Variants in NLGN1 observed in about 807,000 individuals in gnomAD.
NLGN1 encodes neuroligin-1.
NLGN1 carries 12 observed loss-of-function variants against 65.5 expected under a neutral mutation model. That is an observed-to-expected ratio of 0.18 (90% CI 0.12 to 0.30). The LOEUF (loss-of-function observed/expected upper bound fraction) is 0.30, where lower values mean the gene tolerates loss of function less well. NLGN1 is among the 10% of genes least tolerant of loss of function. The pLI is 1.00. For missense variants in NLGN1, 750 were observed against 1,007.1 expected, an observed-to-expected ratio of 0.74 and a Z score of 3.46; for synonymous variants, 350 against 359.5, an observed-to-expected ratio of 0.97 and a Z score of 0.30.
intron 3 of NLGN1, among the ~76,000 whole-genome samples, chr3:173,714,007 A>C (rs1769425792): frequency 6.6e-6 from 1 of 152,188 alleles, no homozygotes; most frequent in Non-Finnish European, 1.5e-5. Flanking sequence ...TGAAGGGAAA[A>C]GTAGATTAAG....
intron 4 of NLGN1, among the ~76,000 whole-genome samples, chr3:174,148,545 T>A (rs1723764907): frequency 6.6e-6 from 1 of 152,156 alleles, no homozygotes; most frequent in South Asian, 2.1e-4. Flanking sequence ...AACATATAAT[T>A]AATACTCAGC....
At chr3:173,925,858 C>G (rs1742906253) in intron 4 of NLGN1, among the ~76,000 whole-genome samples, 1 of 151,858 alleles carries the variant, frequency 6.6e-6, no homozygotes, top group Non-Finnish European at 1.5e-5. Context: ...ATTACAGTAC[C>G]TTTAAAAAGT....
chr3:173,698,414 C>T (rs576801906), intron 3 of NLGN1, among the ~76,000 whole-genome samples: 2 of 152,300 alleles, frequency 1.3e-5, no homozygotes, highest in East Asian at 3.9e-4. Flanking sequence ...ACCACCTAAA[C>T]CATTTCATTA....
chr3:173,800,649 T>C (rs546053607), intron 3 of NLGN1, among the ~76,000 whole-genome samples: 2 of 151,812 alleles, frequency 1.3e-5, no homozygotes, highest in Non-Finnish European at 3.0e-5. Flanking sequence ...TTTGACTGAA[T>C]TTTGTCCACC....
intron 4 of NLGN1, among the ~76,000 whole-genome samples, chr3:173,821,920 T>C (rs1293180714): frequency 2.0e-5 from 3 of 152,200 alleles, no homozygotes; most frequent in Non-Finnish European, 1.5e-5. Flanking sequence ...TGTTGAGATA[T>C]ACATAATAAA....
intron 4 of NLGN1, among the ~76,000 whole-genome samples, chr3:173,845,492 C>T (rs908218744): frequency 1.5e-4 from 23 of 151,928 alleles, no homozygotes; most frequent in South Asian, 6.3e-4. Context: ...TCTGTTGTGG[C>T]GAAATAATTT....
At chr3:173,795,512 G>GTATT (rs1270931373) in intron 3 of NLGN1, among the ~76,000 whole-genome samples, 1 of 151,960 alleles carries the variant, frequency 6.6e-6, no homozygotes, top group African/African-American at 2.4e-5. Context: ...ACTGATTTCT[G>GTATT]TATTCTCAAA....
chr3:173,548,498 G>A (rs1215690340), intron 2 of NLGN1, among the ~76,000 whole-genome samples: 1 of 125,304 alleles, frequency 8.0e-6, no homozygotes, highest in Non-Finnish European at 1.7e-5. Context: ...TTTTTTTTTT[G>A]TAGATCATGT....
chr3:173,778,566 A>C (rs1780666617), intron 3 of NLGN1, among the ~76,000 whole-genome samples: 1 of 151,908 alleles, frequency 6.6e-6, no homozygotes. Flanking sequence ...CCATTATTAT[A>C]TACTAATATC....
intron 4 of NLGN1, among the ~76,000 whole-genome samples, chr3:174,221,319 C>T (rs1289690849): frequency 1.3e-5 from 2 of 152,096 alleles, no homozygotes; most frequent in African/African-American, 4.8e-5. Flanking sequence ...GCTGTTTGCC[C>T]TGCATACTAA....
chr3:173,842,712 C>T (rs886687677), intron 4 of NLGN1, among the ~76,000 whole-genome samples: 4 of 152,300 alleles, frequency 2.6e-5, no homozygotes, highest in East Asian at 1.9e-4. Context: ...TGGGCAGCTC[C>T]GCCCCTGTGA....
rs1398003126 is a variant in NLGN1, at chr3:174,280,017, GT to G, written c.1649+368del. On this transcript the variant is annotated intron_variant, in intron 6 of 6. Transcript: ENST00000457714. The surrounding 1 kb of genome is among the most constrained non-coding windows in gnomAD (Gnocchi z 4.9). ...TACCTTTCTGAATCTCGCAGATCAGGTACTATTAATCCCACTTTACAAGAAG... is the reference window on the plus strand; with the variant it reads ...TACCTTTCTGAATCTCGCAGATCAGGACTATTAATCCCACTTTACAAGAAG... Among the ~76,000 whole-genome samples the G allele has an allele frequency of 6.6e-6, 1 of 151,902 alleles. No homozygotes were observed. Among genetic ancestry groups the G allele is most frequent in the East Asian group, 1.9e-4 (1 of 5,140 alleles).
At chr3:174,019,546 C>G (rs1388424413) in intron 4 of NLGN1, among the ~76,000 whole-genome samples, 1 of 152,076 alleles carries the variant, frequency 6.6e-6, no homozygotes, top group Non-Finnish European at 1.5e-5. Flanking sequence ...AGAAAACAGA[C>G]TAAGACAAAC....
intron 4 of NLGN1, among the ~76,000 whole-genome samples, chr3:174,204,160 CTT>C (rs368614934): frequency 5.3e-5 from 8 of 152,074 alleles, no homozygotes; most frequent in African/African-American, 1.9e-4. Flanking sequence ...AGCAGTAGGG[CTT>C]TTTGTTTTGT....
intron 4 of NLGN1, among the ~76,000 whole-genome samples, chr3:174,123,786 T>G (rs532316266): frequency 6.6e-6 from 1 of 152,264 alleles, no homozygotes; most frequent in South Asian, 2.1e-4. Context: ...TTCTAAGGCT[T>G]CCTTCACTAA....
At chr3:174,011,564 A>G (rs988669107) in intron 4 of NLGN1, among the ~76,000 whole-genome samples, 2 of 152,164 alleles carry the variant, frequency 1.3e-5, no homozygotes, top group African/African-American at 4.8e-5. Flanking sequence ...CCATAACTAT[A>G]CTAAAATGGT....
At chr3:173,972,506 T>A (rs1716494672) in intron 4 of NLGN1, among the ~76,000 whole-genome samples, 1 of 151,972 alleles carries the variant, frequency 6.6e-6, no homozygotes, top group African/African-American at 2.4e-5. Flanking sequence ...GAAGTGTGAG[T>A]GGATAGAATC....
intron 3 of NLGN1, among the ~76,000 whole-genome samples, chr3:173,702,635 A>G (rs1260476496): frequency 2.0e-5 from 3 of 152,192 alleles, no homozygotes; most frequent in Admixed American, 6.5e-5. Context: ...AAGATATAAT[A>G]ATCGCCTTTT....
intron 2 of NLGN1, among the ~76,000 whole-genome samples, chr3:173,544,808 A>G (rs1739498257): frequency 6.6e-6 from 1 of 152,146 alleles, no homozygotes; most frequent in Admixed American, 6.5e-5. Context: ...GGCGCAGAAG[A>G]GAAAACTAAG....
Sources: gnomAD v4.1 joint callset for allele counts (sites outside exome capture counted in the v4.1 genomes callset) on GRCh38, gnomAD v4.1.1 for gene constraint, Gnocchi (gnomAD v3.1) non-coding constraint, MANE v1.5 for transcripts, NCBI Gene and HGNC (gene_info 2026-07-23, HGNC 2026-07-21) for gene names.